Variants in PITPNC1 observed in about 807,000 individuals in gnomAD.
PITPNC1 encodes the protein phosphatidylinositol transfer protein cytoplasmic 1.
PITPNC1 carries 18 observed loss-of-function variants against 44.7 expected under a neutral mutation model. The observed-to-expected ratio is 0.40, with a 90% confidence interval of 0.28 to 0.60. The LOEUF (loss-of-function observed/expected upper bound fraction) is 0.60. Ranked by LOEUF, PITPNC1 falls within the 20% of genes least tolerant of loss-of-function variation. The pLI is 0.39. For missense variants in PITPNC1, 290 were observed against 418.4 expected, an observed-to-expected ratio of 0.69 and a Z score of 2.68; for synonymous variants, 141 against 149.6, an observed-to-expected ratio of 0.94 and a Z score of 0.42.
intron 1 of PITPNC1, among the ~76,000 whole-genome samples, chr17:67,461,959 A>C (rs553041439): frequency 6.6e-6 from 1 of 152,292 alleles, no homozygotes; most frequent in East Asian, 1.9e-4. Context: ...CACAGCCAGC[A>C]TTACGACCTG....
intron 5 of PITPNC1, among the ~76,000 whole-genome samples, chr17:67,595,945 T>A (rs1448710847): frequency 6.6e-6 from 1 of 152,200 alleles, no homozygotes; most frequent in Non-Finnish European, 1.5e-5. Flanking sequence ...GCCGATCAGA[T>A]GATAATAAAT....
chr17:67,425,191 G>GCACACACACACA (rs1567984580), intron 1 of PITPNC1, among the ~76,000 whole-genome samples: 1 of 38,640 alleles, frequency 2.6e-5, no homozygotes, highest in Non-Finnish European at 4.5e-5. Context: ...TGTTGTGCGC[G>GCACACACACACA]CGCACGCACA....
intron 1 of PITPNC1, among the ~76,000 whole-genome samples, chr17:67,433,530 G>A (rs2038889628): frequency 6.6e-6 from 1 of 152,166 alleles, no homozygotes; most frequent in Admixed American, 6.5e-5. Context: ...CTTGAGGCTA[G>A]GAATTCCAGA....
chr17:67,409,600 G>A lies in PITPNC1; in HGVS notation c.48+31398G>A, dbSNP rs370719593. Reference sequence around the variant, plus strand: ...GTTGCCCAGGTTGGAGTGCAGTGGCGTGATCCCAACTCACTGCAACCTCCA... The same window carrying A: ...GTTGCCCAGGTTGGAGTGCAGTGGCATGATCCCAACTCACTGCAACCTCCA... On this transcript the variant is annotated intron_variant, in intron 1 of 8. Transcript: ENST00000581322. Among the ~76,000 whole-genome samples, 36 of 151,674 alleles carry A rather than the reference G, an allele frequency of 2.4e-4. No individual in the cohort carries two copies. In the South Asian group the frequency reaches 3.7e-3, roughly 16 times the overall value.
chr17:67,498,523 T>A (rs1169339950), intron 1 of PITPNC1, among the ~76,000 whole-genome samples: 2 of 152,248 alleles, frequency 1.3e-5, no homozygotes, highest in African/African-American at 2.4e-5. Context: ...CAAATATCTC[T>A]TTGAGGTCTT....
At chr17:67,616,341 A>G (rs780790430) in intron 5 of PITPNC1, among the ~76,000 whole-genome samples, 1 of 152,108 alleles carries the variant, frequency 6.6e-6, no homozygotes, top group Non-Finnish European at 1.5e-5. Context: ...GGGTTTTACC[A>G]TGTTGGCTAG....
At chr17:67,480,759 C>G (rs797007752) in intron 1 of PITPNC1, among the ~76,000 whole-genome samples, 27 of 152,192 alleles carry the variant, frequency 1.8e-4, no homozygotes, top group African/African-American at 6.5e-4. Flanking sequence ...ACATATTTTG[C>G]CATCATTTTC....
Position 67,597,660 on chromosome 17 carries a change from G to T in PITPNC1, c.366+19403G>T, listed in dbSNP as rs1050193202. 1.3e-5 allele frequency among the ~76,000 whole-genome samples: 2 copies of T among 152,194 alleles called. No homozygotes were observed. The highest frequency in any genetic ancestry group is 2.9e-5 in the Non-Finnish European group (2 of 68,036). On this transcript the variant is annotated intron_variant, in intron 5 of 8. Transcript: ENST00000581322. The surrounding 1 kb of genome is among the most constrained non-coding windows in gnomAD (Gnocchi z 4.0). ...CCTTTATTTTACATTTAAAAGATAG[G>T]ATGCTTTTAATGGTGCCTTAATTCA...
intron 2 of PITPNC1, among the ~76,000 whole-genome samples, chr17:67,539,886 T>C (rs536419004): frequency 6.6e-6 from 1 of 152,178 alleles, no homozygotes; most frequent in East Asian, 1.9e-4. Flanking sequence ...TATGATGCCA[T>C]TTATATCTAC....
chr17:67,657,333 A>G (rs1202917287), intron 6 of PITPNC1, among the ~76,000 whole-genome samples: 1 of 152,192 alleles, frequency 6.6e-6, no homozygotes, highest in Non-Finnish European at 1.5e-5. Context: ...GAGATTGACT[A>G]GATGAAATCA....
chr17:67,410,039 G>A (rs117817413), intron 1 of PITPNC1, among the ~76,000 whole-genome samples: 1,807 of 152,284 alleles, frequency 0.012, 13 homozygotes, highest in Non-Finnish European at 0.02. Flanking sequence ...GTGTGCATGT[G>A]TTCTCCAAAG....
In PITPNC1 at chr17:67,499,062, C is replaced by CAG. The variant is rs562595423; in HGVS notation, c.49-33737_49-33736dup. On this transcript the variant is annotated intron_variant, in intron 1 of 8. Transcript: ENST00000581322. ...AATTTTTTTGTATTTTTAACAGAGA[C>CAG]AGAGTTTCACCATGTTAGCCAGGCT... Among the ~76,000 whole-genome samples, 403 of 151,904 alleles carry CAG rather than the reference C, an allele frequency of 2.7e-3. 2 individuals carry two copies. Among genetic ancestry groups the CAG allele is most frequent in the Middle Eastern group, 6.8e-3 (2 of 294 alleles).
At chr17:67,592,908 T>C (rs2041411513) in intron 5 of PITPNC1, among the ~76,000 whole-genome samples, 1 of 152,132 alleles carries the variant, frequency 6.6e-6, no homozygotes, top group East Asian at 1.9e-4. Context: ...CATGGTGATG[T>C]AGGCCTGTAG....
At chr17:67,530,286 A>G (rs1384121163) in intron 1 of PITPNC1, among the ~76,000 whole-genome samples, 1 of 151,250 alleles carries the variant, frequency 6.6e-6, no homozygotes, top group Non-Finnish European at 1.5e-5. Context: ...AGAGGTGGGG[A>G]TTCACCGTGA....
chr17:67,578,830 A>C (rs2041186617), intron 5 of PITPNC1, among the ~76,000 whole-genome samples: 1 of 152,150 alleles, frequency 6.6e-6, no homozygotes, highest in African/African-American at 2.4e-5. Flanking sequence ...AAAAATACAA[A>C]AATTAGCTGG....
chr17:67,468,400 CTTTTT>C (rs139820910), intron 1 of PITPNC1, among the ~76,000 whole-genome samples: 1 of 119,964 alleles, frequency 8.3e-6, no homozygotes. Context: ...GCTTTCTTTC[CTTTTT>C]TTTTTTTTTT....
chr17:67,440,115 C>G (rs181803647), intron 1 of PITPNC1, among the ~76,000 whole-genome samples: 3 of 152,274 alleles, frequency 2.0e-5, no homozygotes, highest in Admixed American at 2.0e-4. Flanking sequence ...TAGTAAAACA[C>G]TAGCCCTTGG....
intron 6 of PITPNC1, among the ~76,000 whole-genome samples, chr17:67,665,904 A>C (rs1567767345): frequency 6.6e-6 from 1 of 151,390 alleles, no homozygotes; most frequent in Admixed American, 6.6e-5. Flanking sequence ...GCAGTGGCAC[A>C]ATCTCGGCTC....
intron 1 of PITPNC1, among the ~76,000 whole-genome samples, chr17:67,488,031 GC>G (rs2039806988): frequency 6.6e-6 from 1 of 152,206 alleles, no homozygotes; most frequent in African/African-American, 2.4e-5. Flanking sequence ...TTACCGAGCA[GC>G]TCAAAAGAGC....
Sources: gnomAD v4.1 joint callset for allele counts (sites outside exome capture counted in the v4.1 genomes callset) on GRCh38, gnomAD v4.1.1 for gene constraint, Gnocchi (gnomAD v3.1) non-coding constraint, MANE v1.5 for transcripts, NCBI Gene and HGNC (gene_info 2026-07-23, HGNC 2026-07-21) for gene names.